Variants in RANGAP1 observed in about 807,000 individuals in gnomAD.
RANGAP1 encodes the protein ran GTPase-activating protein 1.
RANGAP1 carries 38 observed loss-of-function variants against 63.5 expected under a neutral mutation model. That is an observed-to-expected ratio of 0.60 (90% CI 0.46 to 0.78). The LOEUF (loss-of-function observed/expected upper bound fraction) is 0.78, where lower values mean the gene tolerates loss of function less well. Among genes scored for constraint, RANGAP1 ranks in the 30% least tolerant of loss-of-function variants. RANGAP1 has a pLI of 0.00. For missense variants in RANGAP1, 630 were observed against 740.3 expected, an observed-to-expected ratio of 0.85 and a Z score of 1.73; for synonymous variants, 329 against 310.5, an observed-to-expected ratio of 1.06 and a Z score of -0.63.
chr22:41,247,072 T>C (rs1033224459), intron 15 of RANGAP1, among the ~76,000 whole-genome samples: 65 of 152,314 alleles, frequency 4.3e-4, no homozygotes, highest in African/African-American at 1.5e-3. Context: ...TCTTTTTTTT[T>C]TGAGACGGAG....
the RANGAP1 span, among the ~76,000 whole-genome samples, chr22:41,295,299 C>T: frequency 2.0e-5 from 3 of 151,504 alleles, no homozygotes; most frequent in Non-Finnish European, 4.4e-5. Flanking sequence ...GGATGGTTGC[C>T]GTGTCTGTGT....
the RANGAP1 span, among the ~76,000 whole-genome samples, chr22:41,294,715 G>C: frequency 7.0e-6 from 1 of 143,352 alleles, no homozygotes; most frequent in Non-Finnish European, 1.5e-5. Flanking sequence ...CCCCGTCCGG[G>C]ATGTGAGGAG....
At chr22:41,281,581 G>T in intron 1 of RANGAP1, 1 of 988,256 alleles carries the variant, frequency 1.0e-6, no homozygotes, top group Non-Finnish European at 1.2e-6. Context: ...CATGACTCTG[G>T]GGTGGGGCAC....
At chr22:41,295,417 T>C in the RANGAP1 span, among the ~76,000 whole-genome samples, 222 of 152,218 alleles carry the variant, frequency 1.5e-3, 4 homozygotes, top group South Asian at 0.045. Flanking sequence ...CTGTGCTCTC[T>C]GAAACATGTG....
At chr22:41,246,876 GCC>G (rs1266206173) in intron 15 of RANGAP1, among the ~76,000 whole-genome samples, 1 of 152,192 alleles carries the variant, frequency 6.6e-6, no homozygotes, top group Admixed American at 6.5e-5. Flanking sequence ...ACGCCACACA[GCC>G]CAGAGCTGGC....
chr22:41,268,229 G>T, intron 3 of RANGAP1, 73 bp from the exon 4 acceptor site: 1 of 1,208,424 alleles, frequency 8.3e-7, no homozygotes, highest in Non-Finnish European at 1.2e-6. Flanking sequence ...TCATCCTGGT[G>T]GATTTGAACT....
chr22:41,291,286 A>C, the RANGAP1 span, among the ~76,000 whole-genome samples: 1 of 152,156 alleles, frequency 6.6e-6, no homozygotes, highest in East Asian at 1.9e-4. Context: ...TTTCTGGCAG[A>C]TTATCTTCTC....
At chr22:41,271,465 G>A (rs1033854059) in intron 3 of RANGAP1, among the ~76,000 whole-genome samples, 1 of 151,558 alleles carries the variant, frequency 6.6e-6, no homozygotes, top group African/African-American at 2.4e-5. Flanking sequence ...GGGAGGCCGA[G>A]GCGGGCGGAT....
chr22:41,263,407 G>C (rs1262881724), intron 5 of RANGAP1, among the ~76,000 whole-genome samples: 5 of 152,004 alleles, frequency 3.3e-5, no homozygotes, highest in Admixed American at 6.6e-5. Context: ...TTTTTGAGAC[G>C]GAGTTTTGCT....
chr22:41,300,930 G>C, the RANGAP1 span, among the ~76,000 whole-genome samples: 1 of 151,978 alleles, frequency 6.6e-6, no homozygotes, highest in Non-Finnish European at 1.5e-5. Flanking sequence ...TCAATCAGTG[G>C]ATCCTTTCTC....
the RANGAP1 span, among the ~76,000 whole-genome samples, chr22:41,294,727 G>C: frequency 7.7e-6 from 1 of 130,716 alleles, no homozygotes; most frequent in African/African-American, 2.9e-5. Flanking sequence ...TGTGAGGAGC[G>C]TCTCTGCCCG....
At chr22:41,262,474 C>T (rs1020628749) in intron 5 of RANGAP1, among the ~76,000 whole-genome samples, 1 of 152,218 alleles carries the variant, frequency 6.6e-6, no homozygotes. Context: ...CCGTACTTTA[C>T]AGATGAGGAA....
rs776143659 is a variant in RANGAP1, at chr22:41,254,401, T to G, written c.1167A>C (p.Glu389Asp). The part of the protein sequence containing the change: ...EEEEDEEEEE[E>D]EEEEEEEEPQ... ...GCTCTTCTTCCTCCTCCTCCTCCTC[T>G]TCTTCCTCCTCTTCCTCATCTTCCT... Residue 389 changes from glutamate (E) to aspartate (D), a missense_variant, in exon 11 of 16, where the codon GAA (glutamate) becomes GAC (aspartate). By Grantham distance (45) the Glu-to-Asp change is conservative. This residue lies in a region of RANGAP1 where 428 missense variants were observed against 465.5 expected (regional missense o/e 0.92). Transcript: ENST00000356244. 1.2e-6 allele frequency: 2 copies of G among 1,611,474 alleles called. No individual in the cohort carries two copies. Among genetic ancestry groups the G allele is most frequent in the African/African-American group, 2.7e-5 (2 of 74,786 alleles).
At chr22:41,259,734 G>A (rs1191014701) in intron 6 of RANGAP1, among the ~76,000 whole-genome samples, 1 of 152,158 alleles carries the variant, frequency 6.6e-6, no homozygotes, top group African/African-American at 2.4e-5. Flanking sequence ...TGGGCGCAGT[G>A]GCTTATGCCT....
At chr22:41,285,499 C>T in intron 1 of RANGAP1, 2 of 985,438 alleles carry the variant, frequency 2.0e-6, no homozygotes, top group Non-Finnish European at 2.4e-6. Flanking sequence ...CAGAGACTTT[C>T]TGAGGTGAGA....
rs1391292736 is a variant in RANGAP1 at position 41,256,203 on chromosome 22, G to T, written c.976C>A (p.Leu326Met). Residue 326 changes from leucine (L) to methionine (M), a missense_variant, in exon 9 of 16, where the codon CTG becomes ATG. Physicochemically the swap from Leu to Met is conservative, Grantham distance 15 (BLOSUM62 2). This residue lies in a region of RANGAP1 where 428 missense variants were observed against 465.5 expected (regional missense o/e 0.92). Transcript: ENST00000356244. ...CCCATCCGACTACCATTCAGGTCCAGCTTCTCCAGCTCAGCTTTGTCTGCC... is the reference window on the plus strand; with the variant it reads ...CCCATCCGACTACCATTCAGGTCCATCTTCTCCAGCTCAGCTTTGTCTGCC... ...AMADKAELEKLDLNGNTLGEE... is the reference protein window; with the variant it reads ...AMADKAELEKMDLNGNTLGEE... The T allele has an allele frequency of 6.2e-7, 1 of 1,614,160 alleles. No individual in the cohort carries two copies. The highest frequency in any genetic ancestry group is 8.5e-7 in the Non-Finnish European group (1 of 1,180,010).
chr22:41,299,556 A>G, the RANGAP1 span, among the ~76,000 whole-genome samples: 1 of 152,128 alleles, frequency 6.6e-6, no homozygotes, highest in Non-Finnish European at 1.5e-5. Flanking sequence ...GATGTGAGCC[A>G]CCGTGCCGAG....
the RANGAP1 span, among the ~76,000 whole-genome samples, chr22:41,299,104 C>T: frequency 6.6e-6 from 1 of 152,030 alleles, no homozygotes; most frequent in Admixed American, 6.6e-5. Flanking sequence ...CTCCTAATAC[C>T]ATCAAATCAG....
rs6002303 is a variant in RANGAP1 at position 41,265,764 on chromosome 22, G to A, written c.301-921C>T. ...GGGTCAGAAATGGGGCTGAGCAGGT[G>A]GTCCATGGGGGCAGGAATGTGGAAG... On this transcript the variant is annotated intron_variant, in intron 4 of 15. Transcript: ENST00000356244. 2.3e-3 allele frequency among the ~76,000 whole-genome samples: 348 copies of A among 152,304 alleles called. 3 individuals are homozygous for A. The highest frequency in any genetic ancestry group is 0.017 in the Middle Eastern group (5 of 294).
Sources: allele counts gnomAD v4.1 joint callset (sites outside exome capture counted in the v4.1 genomes callset), GRCh38; gene constraint gnomAD v4.1.1; regional missense constraint gnomAD v4.1.1; transcripts MANE v1.5; gene names NCBI Gene and HGNC (gene_info 2026-07-23, HGNC 2026-07-21).